Variants in CLPB observed in about 807,000 individuals in gnomAD.
CLPB encodes the protein ClpB family mitochondrial disaggregase.
CLPB carries 40 observed loss-of-function variants against 78.4 expected under a neutral mutation model. The ratio of observed to expected loss-of-function variants is 0.51; its 90% CI spans 0.40 to 0.66. CLPB has a LOEUF of 0.66. Ranked by LOEUF, CLPB falls within the 30% of genes least tolerant of loss-of-function variation. The pLI is 0.00. For missense variants in CLPB, 780 were observed against 886.9 expected, an observed-to-expected ratio of 0.88 and a Z score of 1.53; for synonymous variants, 333 against 348.0, an observed-to-expected ratio of 0.96 and a Z score of 0.48.
chr11:72,433,940 G>A, intron 1 of CLPB, 132 bp downstream of exon 1: 2 of 1,126,298 alleles, frequency 1.8e-6, no homozygotes, highest in Non-Finnish European at 2.5e-6. Context: ...CCTGTAACCA[G>A]ATGATGTCTG....
At chr11:72,415,184 C>A (rs1044704337) in intron 2 of CLPB, among the ~76,000 whole-genome samples, 3 of 152,128 alleles carry the variant, frequency 2.0e-5, no homozygotes, top group African/African-American at 7.2e-5. Flanking sequence ...CCACTGCACT[C>A]CAGCCTGGCG....
chr11:72,360,665 G>A (rs1950821913), intron 4 of CLPB, among the ~76,000 whole-genome samples: 1 of 152,048 alleles, frequency 6.6e-6, no homozygotes, highest in Non-Finnish European at 1.5e-5. Flanking sequence ...TCAAACTCCC[G>A]ACCTCAGGTG....
chr11:72,433,960 A>G lies in CLPB; in HGVS notation c.403+112T>C, dbSNP rs976879736. On this transcript the variant is annotated intron_variant, in intron 1 of 15. Coordinates refer to ENST00000538039, the MANE Select transcript of CLPB (RefSeq NM_001258392.3). Reference sequence around the variant, plus strand: ...AACCAGATGATGTCTGAGTCCCTCCAAGACTTAGGCTCTAAGGATCTAAAC... The same window carrying G: ...AACCAGATGATGTCTGAGTCCCTCCGAGACTTAGGCTCTAAGGATCTAAAC... 8.9e-6 allele frequency: 12 copies of G among 1,345,352 alleles called. No homozygotes were observed. In the African/African-American group the frequency reaches 1.7e-4, roughly 19 times the overall value. 83.3% of individuals were successfully genotyped at this position (1,345,352 alleles called of 1,614,324 possible). A position where few individuals can be genotyped will look rare whatever the true frequency, so the allele number is the denominator to read the frequency against.
At chr11:72,364,441 AGAT>A (rs1950902603) in intron 4 of CLPB, among the ~76,000 whole-genome samples, 1 of 152,098 alleles carries the variant, frequency 6.6e-6, no homozygotes, top group Non-Finnish European at 1.5e-5. Flanking sequence ...TCCCGACCTC[AGAT>A]GATCCACCTG....
In CLPB at chr11:72,395,283, G is replaced by C. The variant is rs1048477780; in HGVS notation, c.542+7683C>G. Among the ~76,000 whole-genome samples the C allele has an allele frequency of 3.9e-5, 6 of 152,072 alleles. No individual in the cohort carries two copies. In the East Asian group the frequency reaches 1.2e-3, roughly 29 times the overall value. ...TCAAAATCCATATAATACATCATGGGTCATCAAGAAACCCTGATAGAGCCG... is the reference window on the plus strand; with the variant it reads ...TCAAAATCCATATAATACATCATGGCTCATCAAGAAACCCTGATAGAGCCG... On this transcript the variant is annotated intron_variant, in intron 3 of 15. Coordinates refer to ENST00000538039, the MANE Select transcript of CLPB (RefSeq NM_001258392.3).
chr11:72,398,728 C>T (rs982877639), intron 3 of CLPB, among the ~76,000 whole-genome samples: 1 of 152,186 alleles, frequency 6.6e-6, no homozygotes, highest in African/African-American at 2.4e-5. Flanking sequence ...TAAACAAGTG[C>T]CTTGTGGCAT....
chr11:72,304,153 T>C (rs1949706367), intron 9 of CLPB: 1 of 152,270 alleles, frequency 6.6e-6, no homozygotes, highest in South Asian at 2.1e-4. Flanking sequence ...GTTTTTGGGC[T>C]TGACTTTCTT....
chr11:72,297,636 GGTGTGTGTGT>G (rs67807556), intron 11 of CLPB, among the ~76,000 whole-genome samples: 3,341 of 93,360 alleles, frequency 0.036, 81 homozygotes, highest in Middle Eastern at 0.068. Context: ...TTGGGGACCA[GGTGTGTGTGT>G]GTGTGTGTGT....
Position 72,406,026 on chromosome 11 carries a change from G to GCTTC in CLPB, c.456-2978_456-2975dup, listed in dbSNP as rs546222175. Among the ~76,000 whole-genome samples, 94 of 152,264 alleles carry GCTTC rather than the reference G, an allele frequency of 6.2e-4. 2 individuals are homozygous for GCTTC. In the East Asian group the frequency reaches 0.017, roughly 27 times the overall value. On this transcript the variant is annotated intron_variant, in intron 2 of 15. Transcript: ENST00000538039. The stretch of plus-strand genomic sequence containing the variant: ...GAGAAAACCTAGTTGCCATTCCTTA[G>GCTTC]CTTCCCACCAAAGGCAGTGAGGTTG...
At chr11:72,337,187 A>G in intron 5 of CLPB, 1 of 398,524 alleles carries the variant, frequency 2.5e-6, no homozygotes, top group Non-Finnish European at 4.4e-6. Flanking sequence ...AGAACTGGGA[A>G]TAGAGCTCTG....
chr11:72,371,971 C>A (rs559365416), intron 4 of CLPB, among the ~76,000 whole-genome samples: 141 of 152,264 alleles, frequency 9.3e-4, no homozygotes, highest in Middle Eastern at 3.4e-3. Context: ...AATTATTGTT[C>A]TTGCAAGCAC....
intron 3 of CLPB, among the ~76,000 whole-genome samples, chr11:72,400,024 T>A (rs907792178): frequency 6.6e-6 from 1 of 152,226 alleles, no homozygotes; most frequent in Non-Finnish European, 1.5e-5. Context: ...GTTCTACTTT[T>A]CCTTTTTCCC....
chr11:72,294,524 T>G, intron 13 of CLPB, 80 bp from the exon 14 acceptor site: 1 of 1,610,828 alleles, frequency 6.2e-7, no homozygotes, highest in Non-Finnish European at 8.5e-7. Context: ...AGGGGAAGAC[T>G]GGGGAAATTA....
intron 9 of CLPB, among the ~76,000 whole-genome samples, chr11:72,303,241 T>G (rs1173745377): frequency 6.6e-6 from 1 of 152,184 alleles, no homozygotes; most frequent in Non-Finnish European, 1.5e-5. Flanking sequence ...TGCCTCCATC[T>G]AAGAGACAGC....
intron 2 of CLPB, among the ~76,000 whole-genome samples, chr11:72,414,422 G>A (rs1205535798): frequency 6.6e-6 from 1 of 152,194 alleles, no homozygotes; most frequent in African/African-American, 2.4e-5. Context: ...AGACACAAAA[G>A]TGGTTCAAAT....
chr11:72,342,807 C>T (rs145243684), intron 5 of CLPB, among the ~76,000 whole-genome samples: 80 of 152,300 alleles, frequency 5.3e-4, no homozygotes, highest in African/African-American at 1.8e-3. Flanking sequence ...CCACAGTCTC[C>T]GTAGAAGGCG....
chr11:72,423,105 G>A (rs1856259629), intron 2 of CLPB, among the ~76,000 whole-genome samples: 1 of 152,100 alleles, frequency 6.6e-6, no homozygotes, highest in South Asian at 2.1e-4. Context: ...ATTTTCTAAA[G>A]CCATAAAACC....
chr11:72,316,863 G>T (rs1204312337), intron 7 of CLPB, among the ~76,000 whole-genome samples: 2 of 152,168 alleles, frequency 1.3e-5, no homozygotes, highest in Non-Finnish European at 2.9e-5. Flanking sequence ...AGTGATTTAG[G>T]TATTCTGTGT....
chr11:72,379,259 GTCTGTCC>G (rs1455563572), intron 4 of CLPB, among the ~76,000 whole-genome samples: 1 of 152,172 alleles, frequency 6.6e-6, no homozygotes, highest in African/African-American at 2.4e-5. Context: ...CAGAGAGGCT[GTCTGTCC>G]TCCTGGCATC....
Sources: allele counts gnomAD v4.1 joint callset (sites outside exome capture counted in the v4.1 genomes callset), GRCh38; gene constraint gnomAD v4.1.1; transcripts MANE v1.5; gene names NCBI Gene and HGNC (gene_info 2026-07-23, HGNC 2026-07-21).